CFAP251: variants seen among roughly 807,000 people sequenced by gnomAD.
CFAP251 encodes the protein cilia and flagella associated protein 251, also known as cilia- and flagella-associated protein 251.
A neutral mutation model predicts 126.7 loss-of-function variants in CFAP251; 93 were observed. The observed-to-expected ratio is 0.73, with a 90% CI of 0.62 to 0.87. The LOEUF (loss-of-function observed/expected upper bound fraction) is 0.87. Ranked by LOEUF, CFAP251 falls within the 40% of genes least tolerant of loss-of-function variation. The probability of loss-of-function intolerance (pLI) is 0.00; values close to 1 mark genes in which losing one functional copy is unlikely to be tolerated. For missense variants in CFAP251, 1,287 were observed against 1,389.2 expected, an observed-to-expected ratio of 0.93 and a Z score of 1.17; for synonymous variants, 503 against 506.9, an observed-to-expected ratio of 0.99 and a Z score of 0.10.
chr12:121,928,654 ATACG>A lies in CFAP251; in HGVS notation c.748-3089_748-3086del, dbSNP rs1294483212. On this transcript the variant is annotated intron_variant, in intron 3 of 21. Coordinates refer to ENST00000288912, the MANE Select transcript of CFAP251 (RefSeq NM_144668.6). Reference sequence around the variant, plus strand: ...TATATATACGTATATATATATATATATACGTATATATATACGTATATATATATAT... The same window carrying A: ...TATATATACGTATATATATATATATATATATATATACGTATATATATATAT... 9.2e-3 allele frequency among the ~76,000 whole-genome samples: 301 copies of A among 32,654 alleles called. 18 individuals carry two copies. Among genetic ancestry groups the A allele is most frequent in the South Asian group, 0.075 (110 of 1,462 alleles). 21.4% of individuals were successfully genotyped at this position (32,654 alleles called of 152,430 possible).
At chr12:121,986,638 G>A (rs569141764) in intron 19 of CFAP251, among the ~76,000 whole-genome samples, 9 of 150,370 alleles carry the variant, frequency 6.0e-5, no homozygotes, top group Admixed American at 2.0e-4. Context: ...AGTGGCTCAC[G>A]CCTGAAGTCC....
At chr12:121,945,413 G>A (rs1271370708) in intron 7 of CFAP251, among the ~76,000 whole-genome samples, 3 of 150,952 alleles carry the variant, frequency 2.0e-5, no homozygotes, top group Non-Finnish European at 3.0e-5. Context: ...GCACGATCTC[G>A]GCTCACTGCA....
intron 5 of CFAP251, among the ~76,000 whole-genome samples, chr12:121,941,924 T>G (rs1881134063): frequency 1.3e-5 from 2 of 152,134 alleles, no homozygotes; most frequent in African/African-American, 4.8e-5. Context: ...AGTGCCCGAT[T>G]CCCTGAGAGC....
intron 7 of CFAP251, among the ~76,000 whole-genome samples, chr12:121,945,098 CTA>C (rs1482063414): frequency 4.0e-5 from 6 of 151,826 alleles, no homozygotes; most frequent in Non-Finnish European, 7.4e-5. Context: ...CTTCTTTTTG[CTA>C]TGCTTTCTTC....
chr12:121,968,240 G>T, intron 17 of CFAP251, 71 bp downstream of exon 17: 1 of 1,451,858 alleles, frequency 6.9e-7, no homozygotes, highest in South Asian at 1.3e-5. Context: ...GATAGACACT[G>T]AACCCTACTG....
chr12:121,993,928 TGAG>T (rs1565925524), intron 19 of CFAP251, among the ~76,000 whole-genome samples: 1 of 106,300 alleles, frequency 9.4e-6, no homozygotes, highest in African/African-American at 3.5e-5. Context: ...TACTGGGAAG[TGAG>T]GAGCCCCTCT....
At chr12:121,967,219 C>A in intron 16 of CFAP251, 150 bp downstream of exon 16, 1 of 662,578 alleles carries the variant, frequency 1.5e-6, no homozygotes, top group Admixed American at 2.6e-5. Flanking sequence ...TGAAAATTGC[C>A]CTTGATGAGT....
Position 121,958,970 on chromosome 12 carries a change from A to G in CFAP251, c.2009A>G (p.Glu670Gly), listed in dbSNP as rs771141379. Residue 670 changes from glutamate (E) to glycine (G), a missense_variant, in exon 13 of 22, where the codon GAG becomes GGG. Transcript: ENST00000288912. ...EGALLGAGFT[E>G]GTVYILDAMS... The stretch of plus-strand genomic sequence containing the variant: ...GCCCTTCTTGGAGCTGGCTTTACAG[A>G]GGGGACAGTTTACATTCTTGATGCA... 6.3e-7 allele frequency: 1 copy of G among 1,599,544 alleles called. No homozygotes were observed. The highest frequency in any genetic ancestry group is 1.8e-5 in the Admixed American group (1 of 55,256).
At chr12:121,992,171 C>T (rs1301858586) in intron 19 of CFAP251, 3 of 982,800 alleles carry the variant, frequency 3.1e-6, no homozygotes, top group Non-Finnish European at 3.6e-6. Flanking sequence ...TTCTCTCAAG[C>T]CATCTTCACA....
chr12:121,993,740 C>A (rs1593007797), intron 19 of CFAP251, among the ~76,000 whole-genome samples: 2 of 151,068 alleles, frequency 1.3e-5, no homozygotes, highest in Admixed American at 6.6e-5. Flanking sequence ...GCAACCACCC[C>A]GTCTGAGAAG....
intron 8 of CFAP251, chr12:121,950,490 A>G (rs1667584): frequency 0.88 from 134,380 of 152,220 alleles, 59,511 homozygotes; most frequent in African/African-American, 0.96. Flanking sequence ...AAATTGTAGA[A>G]CAAAACCAAA....
In CFAP251 at chr12:121,966,809, C is replaced by T. The variant is rs1882157748; in HGVS notation, c.2493-146C>T. 3 of 642,378 alleles carry T rather than the reference C, an allele frequency of 4.7e-6. No homozygotes were observed. The East Asian group carries it at 8.4e-5, about 18-fold the overall frequency. 39.8% of individuals were successfully genotyped at this position (642,378 alleles called of 1,614,324 possible). A position where few individuals can be genotyped will look rare whatever the true frequency, so the allele number is the denominator to read the frequency against. On this transcript the variant is annotated intron_variant, in intron 15 of 21. Transcript: ENST00000288912. ...CCATATTGGCCAGGCTGGTCTCAAACTCCTGACCTTGTGATCCGCCTGCCT... is the reference window on the plus strand; with the variant it reads ...CCATATTGGCCAGGCTGGTCTCAAATTCCTGACCTTGTGATCCGCCTGCCT...
At chr12:121,973,802 C>A (rs1488235748) in intron 17 of CFAP251, among the ~76,000 whole-genome samples, 1 of 152,178 alleles carries the variant, frequency 6.6e-6, no homozygotes, top group African/African-American at 2.4e-5. Flanking sequence ...AATTTTGGTA[C>A]CTCCATTCTA....
At chr12:121,962,286 C>T (rs376901627) in intron 15 of CFAP251, 124 bp downstream of exon 15, 6 of 859,674 alleles carry the variant, frequency 7.0e-6, no homozygotes, top group East Asian at 2.5e-5. Context: ...CTTTGCTTTG[C>T]AGAGGAGGAG....
chr12:121,975,303 T>A lies in CFAP251; in HGVS notation c.2831T>A (p.Leu944Gln). 6.2e-7 allele frequency: 1 copy of A among 1,614,220 alleles called. No individual in the cohort carries two copies. The highest frequency in any genetic ancestry group is 8.5e-7 in the Non-Finnish European group (1 of 1,180,028). Reference sequence around the variant, plus strand: ...GACTTGACCCCATTCTATGGTCTGCTGTCTGGTGGCCGGGAAGGAAAATTC... The same window carrying A: ...GACTTGACCCCATTCTATGGTCTGCAGTCTGGTGGCCGGGAAGGAAAATTC... ...GEDLTPFYGL[L>Q]SGGREGKFYR... The change falls in exon 18 of 22, where the codon CTG becomes CAG. Residue 944 changes from leucine (L) to glutamine (Q), a missense_variant. Coordinates refer to ENST00000288912, the MANE Select transcript of CFAP251 (RefSeq NM_144668.6).
intron 3 of CFAP251, among the ~76,000 whole-genome samples, chr12:121,930,945 C>A (rs1880661728): frequency 6.6e-6 from 1 of 152,010 alleles, no homozygotes. Context: ...GATGAGGTTT[C>A]ACCATTTTGG....
chr12:121,937,066 A>G (rs1332713564), intron 5 of CFAP251, among the ~76,000 whole-genome samples: 1 of 152,140 alleles, frequency 6.6e-6, no homozygotes, highest in African/African-American at 2.4e-5. Context: ...AATGACATCT[A>G]CTGTTTTTTA....
intron 4 of CFAP251, chr12:121,932,960 AG>A (rs1331309556): frequency 6.6e-6 from 1 of 152,544 alleles, no homozygotes; most frequent in Non-Finnish European, 1.5e-5. Flanking sequence ...AGGAGGCAGG[AG>A]TCCAGCCTCA....
At position 121,960,771 on chromosome 12, in the gene CFAP251, G is replaced by A. The variant is rs1336105216; in HGVS notation, c.2307+13G>A. 1.2e-6 allele frequency: 2 copies of A among 1,611,954 alleles called. No individual in the cohort carries two copies. Among genetic ancestry groups the A allele is most frequent in the Non-Finnish European group, 1.7e-6 (2 of 1,179,430 alleles). On this transcript the variant is annotated intron_variant, in intron 14 of 21. Transcript: ENST00000288912. Reference sequence around the variant, plus strand: ...AGACAGGCTCTTGGTGAGCTGTTTAGTTTTCGTTGACCTGGTCGCCAAGAC... The same window carrying A: ...AGACAGGCTCTTGGTGAGCTGTTTAATTTTCGTTGACCTGGTCGCCAAGAC...
Sources: gnomAD v4.1 joint callset for allele counts (sites outside exome capture counted in the v4.1 genomes callset) on GRCh38, gnomAD v4.1.1 for gene constraint, MANE v1.5 for transcripts, NCBI Gene and HGNC (gene_info 2026-07-23, HGNC 2026-07-21) for gene names.